OPRM1: variants seen among roughly 807,000 people sequenced by gnomAD.
OPRM1 encodes opioid receptor mu 1.
A neutral mutation model predicts 31.8 loss-of-function variants in OPRM1; 27 were observed. The observed-to-expected ratio is 0.85, with a 90% CI of 0.63 to 1.17. OPRM1 has a LOEUF of 1.17. Ranked by LOEUF, OPRM1 falls within the 50% of genes most tolerant of loss-of-function variation. The pLI is 0.00. For synonymous variants in OPRM1, 196 were observed against 189.9 expected (o/e 1.03, Z -0.26); for missense variants, 536 against 511.1 (o/e 1.05, Z -0.47).
chr6:154,040,142 T>A (rs1467408892), intron 1 of OPRM1, among the ~76,000 whole-genome samples: 1 of 152,118 alleles, frequency 6.6e-6, no homozygotes, highest in Non-Finnish European at 1.5e-5. Flanking sequence ...AGCGCTTCCT[T>A]ATACTGAGCA....
chr6:154,114,452 GAGAA>G (rs1429661416), intron 3 of OPRM1, among the ~76,000 whole-genome samples: 1 of 152,076 alleles, frequency 6.6e-6, no homozygotes, highest in African/African-American at 2.4e-5. Flanking sequence ...AAGAGAGAAA[GAGAA>G]AGAGAGAGAG....
chr6:154,062,815 A>G (rs531935280), intron 1 of OPRM1, among the ~76,000 whole-genome samples: 9 of 152,214 alleles, frequency 5.9e-5, no homozygotes, highest in African/African-American at 1.7e-4. Flanking sequence ...AGACATCAGC[A>G]GGTACTAAGA....
chr6:154,051,844 T>C (rs1374024331), intron 1 of OPRM1, among the ~76,000 whole-genome samples: 1 of 152,180 alleles, frequency 6.6e-6, no homozygotes, highest in African/African-American at 2.4e-5. Flanking sequence ...CCAGAAGGAA[T>C]ATAAATCATT....
chr6:154,110,968 A>C (rs1244656108), intron 3 of OPRM1, among the ~76,000 whole-genome samples: 1 of 150,994 alleles, frequency 6.6e-6, no homozygotes, highest in Non-Finnish European at 1.5e-5. Flanking sequence ...CTCCAGGGCC[A>C]GCTTCTGTTA....
chr6:154,238,484 T>C (rs559804653), intron 3 of OPRM1, among the ~76,000 whole-genome samples: 1 of 152,282 alleles, frequency 6.6e-6, no homozygotes, highest in East Asian at 1.9e-4. Flanking sequence ...CAGGCTGGTC[T>C]CAAACTCCCG....
chr6:154,159,665 G>C (rs1798855179), intron 3 of OPRM1: 1 of 634,626 alleles, frequency 1.6e-6, no homozygotes, highest in Non-Finnish European at 2.8e-6. Flanking sequence ...AGGAGCCCTG[G>C]TGTATTCGGT....
At chr6:154,034,944 C>T (rs1779215894), upstream of OPRM1, among the ~76,000 whole-genome samples, 1 of 152,058 alleles carries the variant, frequency 6.6e-6, no homozygotes. Flanking sequence ...AGAATCAGGT[C>T]CTTTAAGGAC....
intron 3 of OPRM1, among the ~76,000 whole-genome samples, chr6:154,179,733 C>T (rs1019081785): frequency 5.9e-5 from 9 of 152,012 alleles, no homozygotes; most frequent in East Asian, 1.9e-4. Flanking sequence ...ATAAAGATTC[C>T]GGAAAAACAG....
Position 154,091,129 on chromosome 6 carries a change from A to G in OPRM1, c.821A>G (p.Asp274Gly). 1 of 1,614,180 alleles carries G rather than the reference A, an allele frequency of 6.2e-7. No individual in the cohort carries two copies. The highest frequency in any genetic ancestry group is 1.1e-5 in the South Asian group (1 of 91,084). The change falls in exon 3 of 4, where the codon GAC (aspartate) becomes GGC (glycine). Residue 274 changes from aspartate to glycine, a missense_variant. Coordinates refer to ENST00000330432, the MANE Select transcript of OPRM1 (RefSeq NM_000914.5). ...ATGCTCTCTGGCTCCAAAGAAAAGG[A>G]CAGGAATCTTCGAAGGATCACCAGG... ...VRMLSGSKEKDRNLRRITRMV... is the reference protein window; with the variant it reads ...VRMLSGSKEKGRNLRRITRMV...
In OPRM1 at chr6:154,100,033, TTATCATATGATATA is replaced by T. The variant is rs1420211465; in HGVS notation, c.1164+8582_1164+8595del. Among the ~76,000 whole-genome samples the T allele has an allele frequency of 3.1e-3, 245 of 78,306 alleles. 9 individuals are homozygous for T. Among genetic ancestry groups the T allele is most frequent in the African/African-American group, 9.1e-3 (231 of 25,454 alleles). The allele number at this position is 78,306 out of a possible 152,430, so 51.4% of individuals were successfully genotyped here. A position where few individuals can be genotyped will look rare whatever the true frequency, so the allele number is the denominator to read the frequency against. ...GATATATATCATAACATATTATATA[TTATCATATGATATA>T]TATCATATGATATATATCATGATAT... On this transcript the variant is annotated intron_variant, in intron 3 of 3. Coordinates refer to ENST00000330432, the MANE Select transcript of OPRM1 (RefSeq NM_000914.5).
chr6:154,161,888 T>C (rs1252777824), intron 3 of OPRM1, among the ~76,000 whole-genome samples: 1 of 152,174 alleles, frequency 6.6e-6, no homozygotes. Context: ...TTTTCACTAC[T>C]CTCCAGTCAT....
chr6:154,224,349 C>A (rs913542290), intron 3 of OPRM1, among the ~76,000 whole-genome samples: 1 of 152,186 alleles, frequency 6.6e-6, no homozygotes, highest in Admixed American at 6.5e-5. Flanking sequence ...CTATGCCCAT[C>A]TTCTCTCTCT....
intron 3 of OPRM1, chr6:154,155,776 G>C (rs1382347126): frequency 6.6e-6 from 1 of 151,742 alleles, no homozygotes; most frequent in Non-Finnish European, 1.5e-5. Flanking sequence ...GCAAGACTCT[G>C]TCTAAAAAAA....
At chr6:154,179,651 T>C (rs1800664670) in intron 3 of OPRM1, among the ~76,000 whole-genome samples, 2 of 152,242 alleles carry the variant, frequency 1.3e-5, no homozygotes, top group Admixed American at 6.5e-5. Context: ...CACTTTAAAG[T>C]CTGTCTTATC....
intron 3 of OPRM1, among the ~76,000 whole-genome samples, chr6:154,180,404 ATATATATATATT>A (rs1800747990): frequency 5.0e-5 from 2 of 40,368 alleles, no homozygotes; most frequent in South Asian, 1.7e-3. Context: ...ATATATATAT[ATATATATATATT>A]TTTTTTTTAA....
At chr6:154,102,478 ATTTCATCTCTTGTAAATAGCAT>A (rs1794980969) in intron 3 of OPRM1, among the ~76,000 whole-genome samples, 1 of 152,126 alleles carries the variant, frequency 6.6e-6, no homozygotes, top group African/African-American at 2.4e-5. Context: ...TCAAAACTGA[ATTTCATCTCTTGTAAATAGCAT>A]TTAAAAGGAA....
At chr6:154,172,891 G>A (rs1301605075) in intron 3 of OPRM1, among the ~76,000 whole-genome samples, 1 of 152,194 alleles carries the variant, frequency 6.6e-6, no homozygotes, top group Admixed American at 6.5e-5. Context: ...AGCCTGACTG[G>A]AGCCTCACCT....
intron 1 of OPRM1, among the ~76,000 whole-genome samples, chr6:154,019,357 G>T (rs1421331305): frequency 6.6e-6 from 1 of 151,378 alleles, no homozygotes; most frequent in African/African-American, 2.4e-5. Context: ...AACACCTCTT[G>T]CCTTTGTTAC....
intron 1 of OPRM1, among the ~76,000 whole-genome samples, chr6:154,029,764 C>G (rs1347321690): frequency 6.6e-6 from 1 of 152,204 alleles, no homozygotes; most frequent in Non-Finnish European, 1.5e-5. Flanking sequence ...TACCTCCATG[C>G]TGTTCTCATG....
Sources: allele counts gnomAD v4.1 joint callset (sites outside exome capture counted in the v4.1 genomes callset), GRCh38; gene constraint gnomAD v4.1.1; transcripts MANE v1.5; gene names NCBI Gene and HGNC (gene_info 2026-07-23, HGNC 2026-07-21).